Variants in PIGN observed in about 807,000 individuals in gnomAD.
PIGN encodes GPI ethanolamine phosphate transferase 1.
PIGN carries 117 observed loss-of-function variants against 125.4 expected under a neutral mutation model. The observed-to-expected ratio is 0.93, with a 90% confidence interval of 0.80 to 1.09. The LOEUF (loss-of-function observed/expected upper bound fraction) is 1.09. PIGN is among the 50% of genes least tolerant of loss of function. The pLI, the probability that PIGN is intolerant of heterozygous loss-of-function variation, is 0.00. For missense variants in PIGN, 1,075 were observed against 1,094.9 expected, an observed-to-expected ratio of 0.98 and a Z score of 0.26; for synonymous variants, 392 against 377.8, an observed-to-expected ratio of 1.04 and a Z score of -0.44.
intron 15 of PIGN, among the ~76,000 whole-genome samples, chr18:62,113,656 A>G (rs556759493): frequency 2.0e-5 from 3 of 152,288 alleles, no homozygotes; most frequent in Non-Finnish European, 2.9e-5. Flanking sequence ...GATAATGGCC[A>G]TATTTATATT....
intron 7 of PIGN, among the ~76,000 whole-genome samples, chr18:62,150,553 A>G (rs1250751471): frequency 6.6e-6 from 1 of 152,206 alleles, no homozygotes; most frequent in Non-Finnish European, 1.5e-5. Flanking sequence ...CATTATACTA[A>G]GTGAAATAAG....
At chr18:62,152,477 C>A (rs540919144) in intron 7 of PIGN, among the ~76,000 whole-genome samples, 1 of 151,982 alleles carries the variant, frequency 6.6e-6, no homozygotes, top group Admixed American at 6.6e-5. Flanking sequence ...CTGAGAAAGT[C>A]CATTGAGATA....
intron 16 of PIGN, among the ~76,000 whole-genome samples, chr18:62,112,155 C>A (rs17642045): frequency 2.4e-4 from 36 of 152,114 alleles, no homozygotes; most frequent in African/African-American, 8.7e-4. Flanking sequence ...TGCCTAGATA[C>A]AATTCCCATT....
intron 1 of PIGN, among the ~76,000 whole-genome samples, chr18:62,167,075 AAAAT>A (rs564275440): frequency 5.9e-5 from 9 of 152,318 alleles, no homozygotes; most frequent in Non-Finnish European, 1.0e-4. Context: ...AATAAAAAAT[AAAAT>A]AAATATTTAT....
At chr18:62,173,642 A>G (rs561183271) in intron 1 of PIGN, among the ~76,000 whole-genome samples, 71 of 152,372 alleles carry the variant, frequency 4.7e-4, no homozygotes, top group Non-Finnish European at 8.4e-4. Context: ...TAAAATGCAG[A>G]TAATACTGAT....
chr18:62,140,425 A>G lies in PIGN; in HGVS notation c.1018T>C (p.Ser340Pro). The G allele has an allele frequency of 2.1e-6, 3 of 1,462,124 alleles. No homozygotes were observed. Among genetic ancestry groups the G allele is most frequent in the Non-Finnish European group, 2.8e-6 (3 of 1,058,668 alleles). The allele number at this position is 1,462,124 out of a possible 1,614,324, so 90.6% of individuals were successfully genotyped here. A position where few individuals can be genotyped will look rare whatever the true frequency, so the allele number is the denominator to read the frequency against. Residue 340 changes from serine (S) to proline (P), a missense_variant, in exon 12 of 31, where the codon TCA becomes CCA. By Grantham distance (74) the Ser-to-Pro change is moderately conservative (BLOSUM62 -1). This residue lies in a region of PIGN where 915 missense variants were observed against 908.7 expected (regional missense o/e 1.01). Transcript: ENST00000640252. Reference sequence around the variant, plus strand: ...AATAAAATTTTATTCCTTACCACTGAGTTAAGAGGAAAGGGAACTCCAATA... The same window carrying G: ...AATAAAATTTTATTCCTTACCACTGGGTTAAGAGGAAAGGGAACTCCAATA... ...SLIGVPFPLN[S>P]VGILPVDYLN...
At chr18:62,065,353 T>C (rs1338725302) in intron 30 of PIGN, among the ~76,000 whole-genome samples, 1 of 151,746 alleles carries the variant, frequency 6.6e-6, no homozygotes, top group Non-Finnish European at 1.5e-5. Context: ...GGGAAAAGAG[T>C]GCTCAACAGA....
At chr18:62,086,401 G>T (rs958088561) in intron 25 of PIGN, among the ~76,000 whole-genome samples, 1 of 151,854 alleles carries the variant, frequency 6.6e-6, no homozygotes, top group African/African-American at 2.4e-5. Flanking sequence ...GGCAGACCAC[G>T]GGGTCAAGAG....
rs1275023783 is a variant in PIGN at position 62,157,681 on chromosome 18, C to A, written c.343+6G>T. 1 of 1,607,768 alleles carries A rather than the reference C, an allele frequency of 6.2e-7. No homozygotes were observed. The highest frequency in any genetic ancestry group is 1.7e-5 in the Admixed American group (1 of 59,302). ...CATTTCATAAGATTGTCCAAATAGA[C>A]AATACCTTTGGCAACTGCACTGACA... On this transcript the variant is annotated splice_donor_region_variant and intron_variant, in intron 5 of 30. Transcript: ENST00000640252.
intron 23 of PIGN, among the ~76,000 whole-genome samples, chr18:62,025,519 G>A (rs1360460469): frequency 6.6e-6 from 1 of 152,178 alleles, no homozygotes; most frequent in Non-Finnish European, 1.5e-5. Flanking sequence ...GAAGCTGGAA[G>A]CACAGCCAGG....
rs757219848 is a variant in PIGN, at chr18:62,095,953, G to A, written c.2078-3C>T. The A allele has an allele frequency of 8.8e-6, 14 of 1,587,584 alleles. No homozygotes were observed. The highest frequency in any genetic ancestry group is 1.7e-4 in the Middle Eastern group (1 of 6,010). On this transcript the variant is annotated splice_region_variant and splice_polypyrimidine_tract_variant and intron_variant, in intron 22 of 30. Coordinates refer to ENST00000640252, the MANE Select transcript of PIGN (RefSeq NM_176787.5). ...TAGTGGCACAACCAAGGAAGAGGCT[G>A]CAATGAAACAGAACAGGTCATCTGT...
chr18:62,019,086 G>A (rs1005226590), intron 23 of PIGN, among the ~76,000 whole-genome samples: 4 of 152,192 alleles, frequency 2.6e-5, no homozygotes, highest in Non-Finnish European at 4.4e-5. Context: ...GAACATGCCT[G>A]TAGTCCCAGA....
rs535563062 is a variant in PIGN, at chr18:62,088,772, C to T, written c.2354G>A (p.Arg785His). The change falls in exon 25 of 31, where the codon CGT (arginine) becomes CAT (histidine). Residue 785 changes from arginine (R) to histidine (H), a missense_variant. Physicochemically the swap from Arg to His is conservative, Grantham distance 29 (BLOSUM62 0). Coordinates refer to ENST00000640252, the MANE Select transcript of PIGN (RefSeq NM_176787.5). ...AAAGGATACAAGGAAAAAGGCCCTA[C>T]GGATGTCATCCAGATATAGCTGTCG... ...QFRQLYLDDI[R>H]RAFFLVFFLV... 5.7e-5 allele frequency: 88 copies of T among 1,557,242 alleles called. No individual in the cohort carries two copies. Among genetic ancestry groups the T allele is most frequent in the East Asian group, 7.1e-5 (3 of 42,372 alleles).
intron 30 of PIGN, among the ~76,000 whole-genome samples, chr18:62,066,074 C>CTTTAACCATAGCT (rs2032502652): frequency 6.6e-6 from 1 of 152,248 alleles, no homozygotes; most frequent in Non-Finnish European, 1.5e-5. Flanking sequence ...CACAGGCTTT[C>CTTTAACCATAGCT]TTTAACCATA....
intron 7 of PIGN, among the ~76,000 whole-genome samples, chr18:62,151,349 C>T (rs534682872): frequency 6.6e-6 from 1 of 152,318 alleles, no homozygotes; most frequent in East Asian, 1.9e-4. Context: ...ATGGTCTACA[C>T]TTGCTGCACT....
At chr18:62,085,164 A>G (rs1049025458) in intron 26 of PIGN, 45 bp downstream of exon 26, 1 of 1,069,152 alleles carries the variant, frequency 9.4e-7, no homozygotes, top group Non-Finnish European at 1.4e-6. Context: ...CCCAGGTTGC[A>G]TTATTTTTTA....
chr18:62,183,380 T>A (rs986763709), intron 1 of PIGN, among the ~76,000 whole-genome samples: 5 of 152,114 alleles, frequency 3.3e-5, no homozygotes, highest in African/African-American at 1.2e-4. Flanking sequence ...CTCATAGCAC[T>A]CCCCTTTACT....
chr18:62,153,486 T>A (rs1010524681), intron 7 of PIGN: 2 of 152,076 alleles, frequency 1.3e-5, no homozygotes, highest in Non-Finnish European at 2.9e-5. Context: ...TTCCATGATT[T>A]TGGAGGGATT....
chr18:62,028,382 C>T (rs1185087517), intron 23 of PIGN, among the ~76,000 whole-genome samples: 1 of 152,326 alleles, frequency 6.6e-6, no homozygotes, highest in East Asian at 1.9e-4. Flanking sequence ...TTGGCGTAGG[C>T]TTTGGTCATT....
Sources: allele counts gnomAD v4.1 joint callset (sites outside exome capture counted in the v4.1 genomes callset), GRCh38; gene constraint gnomAD v4.1.1; regional missense constraint gnomAD v4.1.1; transcripts MANE v1.5; gene names NCBI Gene and HGNC (gene_info 2026-07-23, HGNC 2026-07-21).